STK32B: variants seen among roughly 807,000 people sequenced by gnomAD.
STK32B encodes the protein serine/threonine-protein kinase 32B.
STK32B carries 43 observed loss-of-function variants against 52.6 expected under a neutral mutation model. The observed-to-expected ratio is 0.82, with a 90% CI of 0.64 to 1.05. STK32B has a LOEUF of 1.05. STK32B is among the 50% of genes least tolerant of loss of function. STK32B has a pLI of 0.00. For missense variants in STK32B, 621 were observed against 534.6 expected, an observed-to-expected ratio of 1.16 and a Z score of -1.59; for synonymous variants, 238 against 204.3, an observed-to-expected ratio of 1.17 and a Z score of -1.41.
intron 3 of STK32B, among the ~76,000 whole-genome samples, chr4:5,253,659 G>A (rs1726099591): frequency 6.6e-6 from 1 of 152,070 alleles, no homozygotes; most frequent in African/African-American, 2.4e-5. Flanking sequence ...ACAGGCGTGA[G>A]ACACTGCACC....
intron 4 of STK32B, among the ~76,000 whole-genome samples, chr4:5,352,301 G>A (rs573001044): frequency 5.1e-4 from 78 of 151,938 alleles, no homozygotes; most frequent in Non-Finnish European, 9.7e-4. Context: ...TATGCAAATC[G>A]GTAAATTTAG....
intron 3 of STK32B, among the ~76,000 whole-genome samples, chr4:5,189,952 A>G (rs1406999628): frequency 6.6e-6 from 1 of 152,148 alleles, no homozygotes; most frequent in Middle Eastern, 3.2e-3. Context: ...GGCATCTAGT[A>G]GTTGCTCAGT....
Position 5,289,272 on chromosome 4 carries a change from T to A in STK32B, c.261-41948T>A, listed in dbSNP as rs544579138. ...TAAGTGTGGTATAAGAGATGAAAAA[T>A]GGCACACCTGTATAAGTTACTTACC... is the stretch of plus-strand genomic sequence containing the variant. On this transcript the variant is annotated intron_variant, in intron 3 of 11. Coordinates refer to ENST00000282908, the MANE Select transcript of STK32B (RefSeq NM_018401.3). Among the ~76,000 whole-genome samples, 3 of 152,238 alleles carry A rather than the reference T, an allele frequency of 2.0e-5. No individual in the cohort carries two copies. The South Asian group carries it at 6.2e-4, about 32-fold the overall frequency.
chr4:5,146,644 C>T (rs1278344914), intron 2 of STK32B, among the ~76,000 whole-genome samples: 1 of 152,136 alleles, frequency 6.6e-6, no homozygotes, highest in East Asian at 1.9e-4. Context: ...ACATCCAGAA[C>T]CAATACTTTG....
intron 4 of STK32B, among the ~76,000 whole-genome samples, chr4:5,366,481 C>A (rs546545632): frequency 6.6e-6 from 1 of 152,134 alleles, no homozygotes; most frequent in African/African-American, 2.4e-5. Context: ...CATTTTTTTC[C>A]GTTGCTGACA....
At chr4:5,329,102 C>T (rs931197975) in intron 3 of STK32B, among the ~76,000 whole-genome samples, 2 of 152,204 alleles carry the variant, frequency 1.3e-5, no homozygotes, top group African/African-American at 4.8e-5. Context: ...TTGGGAACGT[C>T]CTGGGTACTC....
chr4:5,466,304 G>A (rs759270005), intron 9 of STK32B, among the ~76,000 whole-genome samples: 5 of 152,164 alleles, frequency 3.3e-5, no homozygotes, highest in Non-Finnish European at 7.3e-5. Context: ...CAGATTTTGA[G>A]CTGAAATTGT....
intron 4 of STK32B, among the ~76,000 whole-genome samples, chr4:5,370,984 A>ATGTGTGTGTG (rs149501017): frequency 0.18 from 25,562 of 145,190 alleles, 2,310 homozygotes; most frequent in African/African-American, 0.19. Flanking sequence ...ATATATATAT[A>ATGTGTGTGTG]TGTGTGTGTG....
chr4:5,130,559 G>C (rs1473114601), intron 1 of STK32B, among the ~76,000 whole-genome samples: 1 of 152,144 alleles, frequency 6.6e-6, no homozygotes, highest in African/African-American at 2.4e-5. Flanking sequence ...TTCACACCAA[G>C]AGGACACCTT....
At chr4:5,446,115 C>G (rs916855090) in intron 6 of STK32B, among the ~76,000 whole-genome samples, 3 of 152,266 alleles carry the variant, frequency 2.0e-5, no homozygotes, top group African/African-American at 7.2e-5. Flanking sequence ...GACGGCCCTT[C>G]CATGCCCCCT....
intron 1 of STK32B, among the ~76,000 whole-genome samples, chr4:5,092,151 G>A (rs1042848647): frequency 7.9e-5 from 12 of 152,204 alleles, no homozygotes; most frequent in African/African-American, 2.9e-4. Flanking sequence ...ATTAAATAGA[G>A]GTATGGTTGC....
intron 6 of STK32B, among the ~76,000 whole-genome samples, chr4:5,421,635 G>T (rs916670429): frequency 2.0e-5 from 3 of 152,176 alleles, no homozygotes; most frequent in African/African-American, 4.8e-5. Flanking sequence ...TCCTGACCTT[G>T]CTCCTGCCTC....
intron 1 of STK32B, among the ~76,000 whole-genome samples, chr4:5,125,241 C>G (rs1049903849): frequency 1.3e-5 from 2 of 152,124 alleles, no homozygotes; most frequent in South Asian, 2.1e-4. Flanking sequence ...AACAGAGAAC[C>G]CTGTTGATCC....
chr4:5,379,817 G>A (rs1735821381), intron 4 of STK32B, among the ~76,000 whole-genome samples: 1 of 152,174 alleles, frequency 6.6e-6, no homozygotes, highest in Non-Finnish European at 1.5e-5. Context: ...AGAATGGTGA[G>A]AAAGAAAAGT....
intron 3 of STK32B, among the ~76,000 whole-genome samples, chr4:5,247,350 A>G (rs1038358398): frequency 3.7e-4 from 56 of 152,320 alleles, no homozygotes; most frequent in African/African-American, 1.1e-3. Flanking sequence ...GCGAGGCTCC[A>G]TAGGCGTAGG....
At chr4:5,490,112 T>A (rs1268921265) in intron 11 of STK32B, among the ~76,000 whole-genome samples, 3 of 63,002 alleles carry the variant, frequency 4.8e-5, no homozygotes, top group Non-Finnish European at 1.4e-4. Context: ...TAAGTAGGCA[T>A]TTTTTTTTTT....
At chr4:5,298,769 G>T (rs866871528) in intron 3 of STK32B, among the ~76,000 whole-genome samples, 1 of 151,656 alleles carries the variant, frequency 6.6e-6, no homozygotes, top group African/African-American at 2.4e-5. Flanking sequence ...TGGCTCCCTC[G>T]CTTCAGTCCC....
chr4:5,290,420 T>C (rs934831470), intron 3 of STK32B, among the ~76,000 whole-genome samples: 1 of 152,198 alleles, frequency 6.6e-6, no homozygotes, highest in African/African-American at 2.4e-5. Context: ...TTTAAACTTT[T>C]TTGTTAAATA....
intron 4 of STK32B, among the ~76,000 whole-genome samples, chr4:5,344,878 A>G (rs1303200562): frequency 1.3e-5 from 2 of 152,028 alleles, no homozygotes; most frequent in African/African-American, 4.8e-5. Flanking sequence ...CTCAAGCCCA[A>G]AAGTTCAAGA....
Sources: gnomAD v4.1 joint callset for allele counts (sites outside exome capture counted in the v4.1 genomes callset) on GRCh38, gnomAD v4.1.1 for gene constraint, MANE v1.5 for transcripts, NCBI Gene and HGNC (gene_info 2026-07-23, HGNC 2026-07-21) for gene names.